Variants in CLEC2A observed in about 807,000 individuals in gnomAD.
The protein encoded by CLEC2A is keratinocyte-associated C-type lectin.
CLEC2A carries 19 observed loss-of-function variants against 18.6 expected under a neutral mutation model. That is an observed-to-expected ratio of 1.02 (90% CI 0.71 to 1.50). CLEC2A has a LOEUF of 1.50. Ranked by LOEUF, CLEC2A falls within the 40% of genes most tolerant of loss-of-function variation. The pLI, the probability that CLEC2A is intolerant of heterozygous loss-of-function variation, is 0.00. For missense variants in CLEC2A, 190 were observed against 207.9 expected, an observed-to-expected ratio of 0.91 and a Z score of 0.53; for synonymous variants, 74 against 64.0, an observed-to-expected ratio of 1.16 and a Z score of -0.75.
downstream of CLEC2A, among the ~76,000 whole-genome samples, chr12:9,894,109 CT>C (rs1168422390): frequency 7.3e-6 from 1 of 136,476 alleles, no homozygotes; most frequent in African/African-American, 2.8e-5. Flanking sequence ...CTCTCTTTTT[CT>C]TTTTCTTTCT....
At chr12:9,898,491 C>T (rs535238004), downstream of CLEC2A, among the ~76,000 whole-genome samples, 2 of 152,352 alleles carry the variant, frequency 1.3e-5, no homozygotes, top group South Asian at 4.1e-4. Flanking sequence ...CTCCCACTCT[C>T]CTTGACTACT....
At chr12:9,887,024 T>C in the CLEC2A span, among the ~76,000 whole-genome samples, 4 of 151,602 alleles carry the variant, frequency 2.6e-5, no homozygotes, top group Admixed American at 6.6e-5. Context: ...AAAAAAAACA[T>C]AAATAAATAT....
At chr12:9,910,572 C>G (rs1408885221), downstream of CLEC2A, among the ~76,000 whole-genome samples, 2 of 152,192 alleles carry the variant, frequency 1.3e-5, no homozygotes, top group African/African-American at 4.8e-5. Context: ...GCAATCTTCT[C>G]CTTTTGTTTT....
At chr12:9,892,735 CCA>C in the CLEC2A span, among the ~76,000 whole-genome samples, 5 of 151,836 alleles carry the variant, frequency 3.3e-5, no homozygotes, top group Non-Finnish European at 7.4e-5. Flanking sequence ...CAGGCATGGG[CCA>C]CCATGCCTGG....
At chr12:9,915,315 C>T (rs1275013746) in intron 4 of CLEC2A, among the ~76,000 whole-genome samples, 1 of 152,052 alleles carries the variant, frequency 6.6e-6, no homozygotes, top group African/African-American at 2.4e-5. Context: ...GGATCTAGAA[C>T]CAGAAATACC....
downstream of CLEC2A, chr12:9,895,894 A>G: frequency 7.1e-7 from 1 of 1,416,498 alleles, no homozygotes; most frequent in Admixed American, 3.1e-5. Context: ...TTAAAGACTT[A>G]AGATTTTTAG....
At chr12:9,909,987 T>C (rs1334199153), downstream of CLEC2A, among the ~76,000 whole-genome samples, 1 of 152,130 alleles carries the variant, frequency 6.6e-6, no homozygotes, top group East Asian at 1.9e-4. Context: ...TTGCTCCCTC[T>C]GATTTTTAGA....
At chr12:9,912,072 T>G (rs145382600), downstream of CLEC2A, among the ~76,000 whole-genome samples, 3 of 151,308 alleles carry the variant, frequency 2.0e-5, no homozygotes, top group African/African-American at 7.3e-5. Flanking sequence ...CTTGTAAAAA[T>G]GTCCTCTAAA....
chr12:9,904,900 T>C (rs184968234), intron 4 of CLEC2A, among the ~76,000 whole-genome samples: 228 of 152,322 alleles, frequency 1.5e-3, no homozygotes, highest in African/African-American at 5.4e-3. Context: ...GCCAAACATC[T>C]GTCCAGTCAC....
chr12:9,892,941 AG>A, the CLEC2A span: 57 of 1,194,530 alleles, frequency 4.8e-5, no homozygotes, highest in Non-Finnish European at 6.1e-5. Flanking sequence ...CTATTTTCCA[AG>A]TAGTCACATT....
chr12:9,899,223 C>T (rs1862792883), intron 4 of CLEC2A, among the ~76,000 whole-genome samples: 1 of 152,066 alleles, frequency 6.6e-6, no homozygotes, highest in African/African-American at 2.4e-5. Context: ...GGGAAATTAA[C>T]CTTTTCCACT....
At chr12:9,920,146 G>A (rs1269376442) in intron 3 of CLEC2A, among the ~76,000 whole-genome samples, 2 of 152,206 alleles carry the variant, frequency 1.3e-5, no homozygotes, top group Non-Finnish European at 2.9e-5. Context: ...AAGCCAGTGG[G>A]TCCTATCCTG....
chr12:9,926,443 C>G, intron 1 of CLEC2A, 100 bp from the exon 2 acceptor site: 1 of 751,630 alleles, frequency 1.3e-6, no homozygotes. Context: ...ATCAGGAAAC[C>G]CTCAATCAAG....
At chr12:9,925,305 T>C (rs1192633678) in intron 2 of CLEC2A, among the ~76,000 whole-genome samples, 1 of 152,222 alleles carries the variant, frequency 6.6e-6, no homozygotes, top group African/African-American at 2.4e-5. Flanking sequence ...AATAAAGTTT[T>C]ATAGAACAAA....
intron 1 of CLEC2A, among the ~76,000 whole-genome samples, chr12:9,931,912 C>T (rs1317745242): frequency 3.3e-5 from 5 of 152,178 alleles, no homozygotes; most frequent in African/African-American, 1.2e-4. Context: ...TCTTTTCAGT[C>T]TTATGAAGTC....
intron 3 of CLEC2A, among the ~76,000 whole-genome samples, chr12:9,919,012 C>T (rs519802): frequency 8.5e-5 from 13 of 152,122 alleles, no homozygotes; most frequent in Non-Finnish European, 1.5e-4. Context: ...TGCGCTTGGA[C>T]GTATTTGTCA....
chr12:9,890,500 C>G, the CLEC2A span, among the ~76,000 whole-genome samples: 6 of 152,312 alleles, frequency 3.9e-5, no homozygotes, highest in African/African-American at 1.4e-4. Flanking sequence ...TATGACTCCT[C>G]TAAGCTTCGG....
chr12:9,889,229 T>A, the CLEC2A span, among the ~76,000 whole-genome samples: 2 of 150,450 alleles, frequency 1.3e-5, no homozygotes, highest in Non-Finnish European at 1.5e-5. Flanking sequence ...GAGGATATTA[T>A]AATAATAACT....
At chr12:9,929,478 T>TA (rs1863337971) in intron 1 of CLEC2A, among the ~76,000 whole-genome samples, 1 of 152,170 alleles carries the variant, frequency 6.6e-6, no homozygotes, top group African/African-American at 2.4e-5. Context: ...TTATCTCAGA[T>TA]AGACATTGAA....
Sources: gnomAD v4.1 joint callset for allele counts (sites outside exome capture counted in the v4.1 genomes callset) on GRCh38, gnomAD v4.1.1 for gene constraint, MANE v1.5 for transcripts, NCBI Gene and HGNC (gene_info 2026-07-23, HGNC 2026-07-21) for gene names.